ACTL8: variants seen among roughly 807,000 people sequenced by gnomAD.
The protein encoded by ACTL8 is actin-like protein 8.
Under a neutral mutation model 9.3 loss-of-function variants are expected in ACTL8, and 3 were observed. The observed-to-expected ratio is 0.32, with a 90% CI of 0.15 to 0.83. The LOEUF (loss-of-function observed/expected upper bound fraction) is 0.83, where lower values mean the gene tolerates loss of function less well. ACTL8 is among the 40% of genes least tolerant of loss of function. ACTL8 has a pLI of 0.57. For missense variants in ACTL8, 381 were observed against 492.2 expected (o/e 0.77, Z 2.14); for synonymous variants, 224 against 205.9 (o/e 1.09, Z -0.75).
intron 1 of ACTL8, among the ~76,000 whole-genome samples, chr1:17,758,800 T>C (rs2065983182): frequency 1.3e-5 from 2 of 152,206 alleles, no homozygotes; most frequent in African/African-American, 4.8e-5. Flanking sequence ...ACCCCGAAGT[T>C]ATTTTCTGAG....
chr1:17,786,826 C>A (rs1386191282), intron 1 of ACTL8, among the ~76,000 whole-genome samples: 1 of 152,076 alleles, frequency 6.6e-6, no homozygotes, highest in South Asian at 2.1e-4. Context: ...TCCCAAGTAA[C>A]TGGGACTACA....
At chr1:17,765,963 G>A (rs1200169650) in intron 1 of ACTL8, among the ~76,000 whole-genome samples, 2 of 152,240 alleles carry the variant, frequency 1.3e-5, no homozygotes, top group Non-Finnish European at 2.9e-5. Context: ...TTTTAGAGCA[G>A]CCAACTTCCT....
At chr1:17,773,945 G>A (rs1278923969) in intron 1 of ACTL8, among the ~76,000 whole-genome samples, 1 of 152,238 alleles carries the variant, frequency 6.6e-6, no homozygotes, top group African/African-American at 2.4e-5. Flanking sequence ...TTTATGTAAT[G>A]CCTGGCACAA....
chr1:17,791,269 A>G (rs114962176), intron 1 of ACTL8, among the ~76,000 whole-genome samples: 6,036 of 152,184 alleles, frequency 0.04, 411 homozygotes, highest in African/African-American at 0.14. Flanking sequence ...AGCCCTGGCC[A>G]CGCCTCCCTG....
At chr1:17,778,002 C>T (rs957961067) in intron 1 of ACTL8, among the ~76,000 whole-genome samples, 9 of 152,198 alleles carry the variant, frequency 5.9e-5, no homozygotes, top group South Asian at 2.1e-4. Context: ...CTAGCCCCGC[C>T]GCCTTTTTCT....
chr1:17,803,737 C>T (rs2066339523), intron 1 of ACTL8, among the ~76,000 whole-genome samples: 1 of 152,132 alleles, frequency 6.6e-6, no homozygotes, highest in Non-Finnish European at 1.5e-5. Flanking sequence ...TGACTTAAAT[C>T]ATTAAATTCA....
chr1:17,795,362 G>A (rs2066269327), intron 1 of ACTL8, among the ~76,000 whole-genome samples: 2 of 152,224 alleles, frequency 1.3e-5, no homozygotes, highest in South Asian at 4.1e-4. Context: ...CTCATTCTGT[G>A]CAAACTTGGG....
intron 1 of ACTL8, among the ~76,000 whole-genome samples, chr1:17,784,795 C>T (rs2066183800): frequency 6.6e-6 from 1 of 152,160 alleles, no homozygotes; most frequent in Non-Finnish European, 1.5e-5. Context: ...TCAGATGAGA[C>T]ACAACATGGG....
intron 1 of ACTL8, among the ~76,000 whole-genome samples, chr1:17,812,564 C>A (rs147885663): frequency 6.7e-6 from 1 of 150,228 alleles, no homozygotes; most frequent in African/African-American, 2.5e-5. Context: ...CAAGAAGCTG[C>A]GACTACAGGC....
At chr1:17,777,381 C>T (rs2066125504) in intron 1 of ACTL8, among the ~76,000 whole-genome samples, 1 of 152,170 alleles carries the variant, frequency 6.6e-6, no homozygotes, top group Admixed American at 6.5e-5. Context: ...TGAAATCCTT[C>T]ATCCCTCAGC....
intron 1 of ACTL8, among the ~76,000 whole-genome samples, chr1:17,761,265 T>C (rs1328531144): frequency 2.0e-5 from 3 of 151,524 alleles, no homozygotes; most frequent in Non-Finnish European, 4.4e-5. Flanking sequence ...GCCACTGTGC[T>C]TGGCCACTGT....
At chr1:17,819,320 G>T (rs2053627695) in intron 1 of ACTL8, among the ~76,000 whole-genome samples, 1 of 152,230 alleles carries the variant, frequency 6.6e-6, no homozygotes, top group Admixed American at 6.5e-5. Context: ...CACTCAGCCT[G>T]CCAGGAGGCG....
chr1:17,770,949 G>A (rs1253660517), intron 1 of ACTL8, among the ~76,000 whole-genome samples: 2 of 152,146 alleles, frequency 1.3e-5, no homozygotes. Flanking sequence ...CTGGGGGCGC[G>A]GGTAATTTAC....
intron 1 of ACTL8, among the ~76,000 whole-genome samples, chr1:17,781,042 A>G (rs2066151308): frequency 6.6e-6 from 1 of 152,102 alleles, no homozygotes; most frequent in Admixed American, 6.5e-5. Flanking sequence ...ACTGAGATCA[A>G]GGTATCAGCA....
At chr1:17,805,735 T>C (rs1041318525) in intron 1 of ACTL8, among the ~76,000 whole-genome samples, 4 of 152,228 alleles carry the variant, frequency 2.6e-5, no homozygotes, top group African/African-American at 9.6e-5. Flanking sequence ...TCCACTCCAA[T>C]GTCAGCTTCC....
At chr1:17,781,948 G>GA (rs2066157896) in intron 1 of ACTL8, among the ~76,000 whole-genome samples, 1 of 152,212 alleles carries the variant, frequency 6.6e-6, no homozygotes, top group African/African-American at 2.4e-5. Flanking sequence ...GGCCATCCAT[G>GA]AAGGAGCCAG....
chr1:17,807,544 T>C (rs984523881), intron 1 of ACTL8, among the ~76,000 whole-genome samples: 3 of 152,168 alleles, frequency 2.0e-5, no homozygotes, highest in African/African-American at 4.8e-5. Flanking sequence ...TGCCGTGTTA[T>C]GTATGTTTAT....
chr1:17,813,219 C>T (rs976778246), intron 1 of ACTL8, among the ~76,000 whole-genome samples: 1 of 152,158 alleles, frequency 6.6e-6, no homozygotes, highest in Non-Finnish European at 1.5e-5. Context: ...TACCTTGTTC[C>T]CAGTCTTAGG....
At chr1:17,794,229 C>T (rs796142872) in intron 1 of ACTL8, among the ~76,000 whole-genome samples, 12 of 152,218 alleles carry the variant, frequency 7.9e-5, no homozygotes, top group South Asian at 2.1e-4. Context: ...CCTTTTAGCC[C>T]GTGGTTAAGA....
Sources: allele counts gnomAD v4.1 joint callset (sites outside exome capture counted in the v4.1 genomes callset), GRCh38; gene constraint gnomAD v4.1.1; transcripts MANE v1.5; gene names NCBI Gene and HGNC (gene_info 2026-07-23, HGNC 2026-07-21).